The following FGD5 variants were observed in gnomAD, a reference collection of about 807,000 sequenced individuals.
The protein encoded by FGD5 is FYVE, RhoGEF and PH domain-containing protein 5.
FGD5 carries 28 observed loss-of-function variants against 133.4 expected under a neutral mutation model. That is an observed-to-expected ratio of 0.21 (90% confidence interval 0.16 to 0.29). The LOEUF is 0.29. FGD5 is among the 10% of genes least tolerant of loss of function. FGD5 has a pLI of 1.00. For synonymous variants in FGD5, 810 were observed against 776.5 expected, an observed-to-expected ratio of 1.04 and a Z score of -0.72; for missense variants, 1,858 against 1,895.2, an observed-to-expected ratio of 0.98 and a Z score of 0.36.
intron 4 of FGD5, among the ~76,000 whole-genome samples, chr3:14,881,966 C>T (rs2037833037): frequency 6.6e-6 from 1 of 152,218 alleles, no homozygotes; most frequent in South Asian, 2.1e-4. Flanking sequence ...TCAGCAATGT[C>T]ACCCTGGCAT....
intron 9 of FGD5, among the ~76,000 whole-genome samples, chr3:14,904,533 A>G (rs1304929014): frequency 3.1e-5 from 4 of 128,972 alleles, no homozygotes; most frequent in African/African-American, 1.2e-4. Flanking sequence ...TGTTTTGAGA[A>G]CTTCCTTACT....
At chr3:14,812,221 G>C (rs2036306519) in intron 1 of FGD5, among the ~76,000 whole-genome samples, 1 of 152,174 alleles carries the variant, frequency 6.6e-6, no homozygotes, top group Non-Finnish European at 1.5e-5. Flanking sequence ...GTGGGTCACA[G>C]AACTGGGGAG....
At chr3:14,900,817 C>T (rs1474525277) in intron 8 of FGD5, among the ~76,000 whole-genome samples, 186 bp from the exon 9 acceptor site, 1 of 152,192 alleles carries the variant, frequency 6.6e-6, no homozygotes, top group African/African-American at 2.4e-5. Flanking sequence ...AGGGTGGTCA[C>T]TATTATAACA....
At chr3:14,868,431 G>A (rs2037539950) in intron 2 of FGD5, among the ~76,000 whole-genome samples, 1 of 152,232 alleles carries the variant, frequency 6.6e-6, no homozygotes, top group African/African-American at 2.4e-5. Context: ...GCTGACCGGT[G>A]TCCCTGGTCC....
chr3:14,920,135 C>T (rs182527499), intron 13 of FGD5, among the ~76,000 whole-genome samples: 2 of 152,200 alleles, frequency 1.3e-5, no homozygotes, highest in Admixed American at 1.3e-4. Flanking sequence ...GCTTGGAAAC[C>T]AGGGAGGTAT....
rs371542509 is a variant in FGD5 at position 14,835,448 on chromosome 3, C to T, written c.2525+13852C>T. Among the ~76,000 whole-genome samples the T allele has an allele frequency of 4.6e-5, 7 of 151,456 alleles. No individual in the cohort carries two copies. In the East Asian group the frequency reaches 5.8e-4, roughly 13 times the overall value. ...CTGGGAGGTGGAGGTTGCAGTGAGC[C>T]GAGATCACGCCACTGCACTCCAGCC... On this transcript the variant is annotated intron_variant, in intron 1 of 19. Coordinates refer to ENST00000285046, the MANE Select transcript of FGD5 (RefSeq NM_152536.4).
intron 2 of FGD5, among the ~76,000 whole-genome samples, chr3:14,867,087 C>A (rs2037509524): frequency 6.6e-6 from 1 of 152,236 alleles, no homozygotes; most frequent in African/African-American, 2.4e-5. Flanking sequence ...TCAAAACCTA[C>A]ACTTTAATTG....
intron 2 of FGD5, among the ~76,000 whole-genome samples, chr3:14,879,658 G>A (rs577503294): frequency 1.2e-4 from 19 of 152,316 alleles, no homozygotes; most frequent in Admixed American, 3.9e-4. Flanking sequence ...GGGAGTTCCT[G>A]GTCCCTGCCC....
intron 10 of FGD5, among the ~76,000 whole-genome samples, chr3:14,909,932 A>G (rs548168685): frequency 4.6e-5 from 7 of 151,112 alleles, no homozygotes; most frequent in African/African-American, 1.7e-4. Context: ...CACCCATCTA[A>G]TTTTTGTATT....
intron 4 of FGD5, among the ~76,000 whole-genome samples, chr3:14,895,798 G>A (rs1312941079): frequency 6.6e-6 from 1 of 151,962 alleles, no homozygotes; most frequent in African/African-American, 2.4e-5. Context: ...CAAACTCCTA[G>A]GTGCAAGTGA....
At chr3:14,897,715 G>A (rs1188533683) in intron 5 of FGD5, 46 bp downstream of exon 5, 3 of 1,546,608 alleles carry the variant, frequency 1.9e-6, no homozygotes, top group East Asian at 2.4e-5. Context: ...TTGCACTGGG[G>A]GAATGGAGAC....
At chr3:14,815,851 GC>G (rs1164017001), upstream of FGD5, among the ~76,000 whole-genome samples, 2 of 152,176 alleles carry the variant, frequency 1.3e-5, no homozygotes, top group Non-Finnish European at 2.9e-5. Context: ...TTCTACCAGG[GC>G]CCTGCTCTGG....
Position 14,821,267 on chromosome 3 carries a change from T to C in FGD5, c.2196T>C (p.Gly732=). The C allele has an allele frequency of 2.5e-6, 4 of 1,613,790 alleles. No homozygotes were observed. Among genetic ancestry groups the C allele is most frequent in the Non-Finnish European group, 3.4e-6 (4 of 1,179,872 alleles). The part of the protein sequence containing the change: ...LIFYRDGKRK[G]VPFSRTVSRV... ...TTTATAGAGATGGCAAGAGGAAAGG[T>C]GTCCCCTTCAGCAGGACGGTGTCCA... Residue 732 remains glycine (G), a synonymous_variant, in exon 1 of 20, where the codon GGT becomes GGC. Coordinates refer to ENST00000285046, the MANE Select transcript of FGD5 (RefSeq NM_152536.4).
At chr3:14,849,222 C>T (rs1269173859) in intron 1 of FGD5, among the ~76,000 whole-genome samples, 8 of 152,208 alleles carry the variant, frequency 5.3e-5, no homozygotes, top group Non-Finnish European at 1.2e-4. Flanking sequence ...CCACAGGTGA[C>T]GCTCCTGTTC....
chr3:14,824,788 G>GA (rs2036571343), intron 1 of FGD5, among the ~76,000 whole-genome samples: 2 of 152,126 alleles, frequency 1.3e-5, no homozygotes, highest in Admixed American at 6.5e-5. Context: ...TTGGGAAATG[G>GA]AAAAACAGTA....
At chr3:14,831,212 A>G (rs2036700922) in intron 1 of FGD5, among the ~76,000 whole-genome samples, 1 of 152,140 alleles carries the variant, frequency 6.6e-6, no homozygotes, top group African/African-American at 2.4e-5. Flanking sequence ...AGGCGATGGG[A>G]AGTCGGGTAG....
At position 14,918,865 on chromosome 3, in the gene FGD5, A is replaced by G. The variant is rs780678034; in HGVS notation, c.3569+32A>G. ...GCAGGTGGAGGGAGGATGGCGCACA[A>G]GGCAGAGGTGTGAGCATGGGAAGGT... On this transcript the variant is annotated intron_variant, in intron 13 of 19. Transcript: ENST00000285046. The G allele has an allele frequency of 3.1e-6, 5 of 1,610,170 alleles. No individual in the cohort carries two copies. In the East Asian group the frequency reaches 8.9e-5, roughly 29 times the overall value.
intron 10 of FGD5, among the ~76,000 whole-genome samples, chr3:14,908,741 C>G (rs1267809650): frequency 6.6e-6 from 1 of 151,050 alleles, no homozygotes; most frequent in Non-Finnish European, 1.5e-5. Flanking sequence ...AAAAAATTAG[C>G]CAGATGTGGT....
At position 14,897,970 on chromosome 3, in the gene FGD5, C is replaced by T. The variant is rs1471587016; in HGVS notation, c.2941C>T (p.Leu981=). The change falls in exon 6 of 20, where the codon CTG becomes TTG. Residue 981 remains leucine (L), a synonymous_variant. Coordinates refer to ENST00000285046, the MANE Select transcript of FGD5 (RefSeq NM_152536.4). The part of the protein sequence containing the change: ...ESQQKVADVF[L]AREQGFDHHA... ...CCAGCAGAAGGTAGCTGACGTCTTC[C>T]TGGCCCGGGAGCAGGGGTTTGATCA... 1 of 1,613,854 alleles carries T rather than the reference C, an allele frequency of 6.2e-7. No homozygotes were observed. Among genetic ancestry groups the T allele is most frequent in the Non-Finnish European group, 8.5e-7 (1 of 1,179,854 alleles).
Sources: gnomAD v4.1 joint callset for allele counts (sites outside exome capture counted in the v4.1 genomes callset) on GRCh38, gnomAD v4.1.1 for gene constraint, MANE v1.5 for transcripts, NCBI Gene and HGNC (gene_info 2026-07-23, HGNC 2026-07-21) for gene names.